Variants in B3GALT1 observed in about 807,000 individuals in gnomAD.
B3GALT1 encodes beta-1,3-galactosyltransferase 1.
Under a neutral mutation model 23.2 loss-of-function variants are expected in B3GALT1, and 10 were observed. That is an observed-to-expected ratio of 0.43 (90% CI 0.27 to 0.73). B3GALT1 has a LOEUF of 0.73. Among genes scored for constraint, B3GALT1 ranks in the 30% least tolerant of loss-of-function variants. The pLI is 0.21. For synonymous variants in B3GALT1, 156 were observed against 141.5 expected, an observed-to-expected ratio of 1.10 and a Z score of -0.73; for missense variants, 299 against 405.4, an observed-to-expected ratio of 0.74 and a Z score of 2.25.
intron 4 of B3GALT1, among the ~76,000 whole-genome samples, chr2:167,838,338 A>G (rs1310687347): frequency 6.6e-6 from 1 of 152,272 alleles, no homozygotes; most frequent in Non-Finnish European, 1.5e-5. Context: ...AAAATGATAA[A>G]GGGGATATCA....
chr2:167,569,103 C>A (rs898127761), intron 2 of B3GALT1, among the ~76,000 whole-genome samples: 2 of 151,854 alleles, frequency 1.3e-5, no homozygotes, highest in Non-Finnish European at 2.9e-5. Context: ...TTTACTAATA[C>A]CACATTATCT....
intron 3 of B3GALT1, among the ~76,000 whole-genome samples, chr2:167,722,663 A>C (rs576029940): frequency 2.6e-5 from 4 of 152,368 alleles, no homozygotes; most frequent in Non-Finnish European, 5.9e-5. Context: ...CCATAAGCTG[A>C]TGGCTTTGAA....
intron 1 of B3GALT1, among the ~76,000 whole-genome samples, chr2:167,380,773 T>C (rs939843385): frequency 6.6e-6 from 1 of 152,170 alleles, no homozygotes; most frequent in Non-Finnish European, 1.5e-5. Flanking sequence ...TGGGGAAAGA[T>C]GAGTCACAGA....
At chr2:167,835,071 A>G (rs568542671) in intron 4 of B3GALT1, among the ~76,000 whole-genome samples, 1 of 152,316 alleles carries the variant, frequency 6.6e-6, no homozygotes, top group South Asian at 2.1e-4. Flanking sequence ...CCAAATAGGA[A>G]CAGCTCCGGT....
At chr2:167,723,637 T>C (rs1687266619) in intron 3 of B3GALT1, among the ~76,000 whole-genome samples, 1 of 151,996 alleles carries the variant, frequency 6.6e-6, no homozygotes, top group Admixed American at 6.6e-5. Flanking sequence ...TTCAAGCAAT[T>C]CTCCTGTCTT....
At chr2:167,466,577 G>A (rs1215551499) in intron 1 of B3GALT1, among the ~76,000 whole-genome samples, 13 of 125,248 alleles carry the variant, frequency 1.0e-4, no homozygotes, top group Admixed American at 3.7e-4. Flanking sequence ...CTAAGATCCC[G>A]CCACTGCACT....
At chr2:167,763,452 G>A (rs1385867814) in intron 3 of B3GALT1, among the ~76,000 whole-genome samples, 1 of 152,068 alleles carries the variant, frequency 6.6e-6, no homozygotes, top group East Asian at 1.9e-4. Context: ...AGCATCTGTT[G>A]AGACAAAAGA....
chr2:167,499,604 C>A (rs909918601), intron 2 of B3GALT1, among the ~76,000 whole-genome samples: 1 of 152,080 alleles, frequency 6.6e-6, no homozygotes, highest in African/African-American at 2.4e-5. Context: ...CTTTTTATTT[C>A]AACTAGTCAC....
intron 2 of B3GALT1, among the ~76,000 whole-genome samples, chr2:167,573,151 C>G (rs1330041402): frequency 6.6e-6 from 1 of 151,468 alleles, no homozygotes; most frequent in African/African-American, 2.4e-5. Context: ...AGGAGTGTCA[C>G]CAAGGTTGTA....
chr2:167,633,510 C>A (rs1261435022), intron 2 of B3GALT1, among the ~76,000 whole-genome samples: 2 of 149,108 alleles, frequency 1.3e-5, no homozygotes, highest in African/African-American at 2.5e-5. Context: ...ATAGCAACAA[C>A]AAAAAAAAAC....
intron 1 of B3GALT1, among the ~76,000 whole-genome samples, chr2:167,418,019 A>C (rs1240155823): frequency 3.3e-5 from 5 of 152,244 alleles, no homozygotes; most frequent in Non-Finnish European, 5.9e-5. Context: ...AGAGTTTCTT[A>C]GCCCTTAAAA....
chr2:167,802,062 T>C (rs1300621206), intron 3 of B3GALT1, among the ~76,000 whole-genome samples: 1 of 152,208 alleles, frequency 6.6e-6, no homozygotes, highest in Admixed American at 6.5e-5. Flanking sequence ...AGAATCATTC[T>C]TTCTCTCTGC....
intron 2 of B3GALT1, among the ~76,000 whole-genome samples, chr2:167,555,785 T>G (rs1683837248): frequency 1.3e-5 from 2 of 152,168 alleles, no homozygotes; most frequent in South Asian, 4.1e-4. Context: ...ATATGGCGTG[T>G]TAATATATCC....
intron 2 of B3GALT1, among the ~76,000 whole-genome samples, chr2:167,492,672 A>C (rs772285331): frequency 6.6e-6 from 1 of 152,190 alleles, no homozygotes; most frequent in Non-Finnish European, 1.5e-5. Context: ...TAGCAATGCT[A>C]ATAAGTATGT....
chr2:167,605,225 C>T (rs1684942772), intron 2 of B3GALT1, among the ~76,000 whole-genome samples: 1 of 152,198 alleles, frequency 6.6e-6, no homozygotes, highest in South Asian at 2.1e-4. Flanking sequence ...AAAATAATTG[C>T]TTCATTTATT....
chr2:167,669,493 A>T (rs1686282433), intron 3 of B3GALT1, among the ~76,000 whole-genome samples: 1 of 152,212 alleles, frequency 6.6e-6, no homozygotes, highest in South Asian at 2.1e-4. Flanking sequence ...CCAGTGTGAA[A>T]TATGAAATGT....
At chr2:167,426,276 C>CTTTT (rs199670599) in intron 1 of B3GALT1, among the ~76,000 whole-genome samples, 1 of 137,618 alleles carries the variant, frequency 7.3e-6, no homozygotes, top group African/African-American at 2.7e-5. Flanking sequence ...GTTTATCATT[C>CTTTT]TTTTTTTTTT....
chr2:167,794,194 G>T (rs1453132466), intron 3 of B3GALT1, among the ~76,000 whole-genome samples: 1 of 152,202 alleles, frequency 6.6e-6, no homozygotes, highest in South Asian at 2.1e-4. Flanking sequence ...AAACACAAAC[G>T]TGTTCTTCTG....
At chr2:167,491,498 T>G (rs1699709744) in intron 2 of B3GALT1, among the ~76,000 whole-genome samples, 1 of 151,454 alleles carries the variant, frequency 6.6e-6, no homozygotes, top group Non-Finnish European at 1.5e-5. Context: ...TTTTTTTTTT[T>G]TTCATTAACA....
Sources: allele counts gnomAD v4.1 joint callset (sites outside exome capture counted in the v4.1 genomes callset), GRCh38; gene constraint gnomAD v4.1.1; transcripts MANE v1.5; gene names NCBI Gene and HGNC (gene_info 2026-07-23, HGNC 2026-07-21).